The following DCAF1 variants were observed in gnomAD, a reference collection of about 807,000 sequenced individuals.
DCAF1 encodes the protein DDB1 and CUL4 associated factor 1.
Under a neutral mutation model 128.0 loss-of-function variants are expected in DCAF1, and 15 were observed. The observed-to-expected ratio is 0.12, with a 90% confidence interval of 0.08 to 0.18. The LOEUF is 0.18. Ranked by LOEUF, DCAF1 falls within the 10% of genes least tolerant of loss-of-function variation. The pLI, the probability that DCAF1 is intolerant of heterozygous loss-of-function variation, is 1.00. For missense variants in DCAF1, 988 were observed against 1,649.5 expected (o/e 0.60, Z 6.95); for synonymous variants, 610 against 603.0 (o/e 1.01, Z -0.17).
At chr3:51,396,199 G>A (rs1251070658), downstream of DCAF1, 3 of 352,832 alleles carry the variant, frequency 8.5e-6, no homozygotes, top group Non-Finnish European at 1.6e-5. Context: ...AGCTTTGTGA[G>A]ACAGAACCAA....
At position 51,440,449 on chromosome 3, in the gene DCAF1, T is replaced by A. The variant is rs186722760; in HGVS notation, c.1128+521A>T. 1.2e-3 allele frequency among the ~76,000 whole-genome samples: 186 copies of A among 152,036 alleles called. 1 individual carries two copies. Among genetic ancestry groups the A allele is most frequent in the East Asian group, 5.2e-3 (27 of 5,160 alleles). On this transcript the variant is annotated intron_variant, in intron 9 of 24. Transcript: ENST00000684031. ...CATAGCAAGACTATCTCTATAAAAATTTTTTTTAAATTAGCTAAGCATGGT... is the reference window on the plus strand; with the variant it reads ...CATAGCAAGACTATCTCTATAAAAAATTTTTTTAAATTAGCTAAGCATGGT...
the DCAF1 span, among the ~76,000 whole-genome samples, chr3:51,505,529 G>A: frequency 6.6e-6 from 1 of 152,158 alleles, no homozygotes. Context: ...TCTTACCGTG[G>A]GGAAGTTCTT....
intron 2 of DCAF1, among the ~76,000 whole-genome samples, chr3:51,488,050 A>C (rs1553656229): frequency 3.3e-5 from 5 of 151,654 alleles, no homozygotes. Context: ...CTTTTAGTAG[A>C]GACGGGGTTT....
At chr3:51,500,945 A>T (rs781838778), upstream of DCAF1, among the ~76,000 whole-genome samples, 2 of 151,440 alleles carry the variant, frequency 1.3e-5, no homozygotes, top group East Asian at 3.9e-4. Flanking sequence ...CCTCCCAAGT[A>T]GCCGGGGCTA....
intron 2 of DCAF1, among the ~76,000 whole-genome samples, chr3:51,495,773 T>C (rs1553660525): frequency 6.6e-6 from 1 of 152,002 alleles, no homozygotes; most frequent in Non-Finnish European, 1.5e-5. Flanking sequence ...TACTTCAATG[T>C]TCGTTTTTTT....
At chr3:51,473,578 G>A (rs527971395) in intron 3 of DCAF1, among the ~76,000 whole-genome samples, 3 of 148,426 alleles carry the variant, frequency 2.0e-5, no homozygotes, top group East Asian at 2.0e-4. Context: ...GCAGCAACAC[G>A]ACTCATGGCT....
intron 4 of DCAF1, among the ~76,000 whole-genome samples, chr3:51,470,639 A>G (rs1178867811): frequency 6.6e-6 from 1 of 152,196 alleles, no homozygotes; most frequent in Non-Finnish European, 1.5e-5. Context: ...TGAGTTAACT[A>G]AAGTACACCT....
At chr3:51,423,058 A>G (rs1553633028) in intron 13 of DCAF1, among the ~76,000 whole-genome samples, 1 of 152,078 alleles carries the variant, frequency 6.6e-6, no homozygotes. Context: ...ACAGAGTGAG[A>G]GCCTGTCTCG....
intron 13 of DCAF1, among the ~76,000 whole-genome samples, chr3:51,424,824 T>C (rs992322098): frequency 6.6e-6 from 1 of 152,096 alleles, no homozygotes; most frequent in Non-Finnish European, 1.5e-5. Context: ...CAGATATATA[T>C]AGTATAAAAA....
At chr3:51,406,342 CAAAAAAAAAAA>C (rs782324969) in intron 23 of DCAF1, among the ~76,000 whole-genome samples, 1 of 48,196 alleles carries the variant, frequency 2.1e-5, no homozygotes, top group African/African-American at 8.6e-5. Context: ...GACTCTGTCT[CAAAAAAAAAAA>C]AAAAAAAAAA....
intron 6 of DCAF1, among the ~76,000 whole-genome samples, chr3:51,448,697 T>C (rs1553640806): frequency 1.3e-5 from 2 of 152,204 alleles, no homozygotes; most frequent in Non-Finnish European, 2.9e-5. Context: ...CGGTATAGTA[T>C]CTATTTTCAG....
chr3:51,478,587 T>C (rs1401108670), intron 3 of DCAF1, among the ~76,000 whole-genome samples: 3 of 152,190 alleles, frequency 2.0e-5, no homozygotes, highest in African/African-American at 7.2e-5. Context: ...AATATTTAAA[T>C]TCTCTAATTC....
rs1261828728 is a variant in DCAF1, at chr3:51,441,467, T to C, written c.944A>G (p.Asn315Ser). The part of the protein sequence containing the change: ...SEMSPWVIGT[N>S]YTLYPMTPAI... ...AGGAGTCATAGGATAAAGGGTATAA[T>C]TGGTGCCAATCACCCAGGGAGACAT... is the stretch of plus-strand genomic sequence containing the variant. Residue 315 changes from asparagine to serine, a missense_variant, in exon 8 of 25, where the codon AAT (asparagine) becomes AGT (serine). Around this residue, in one of 11 missense-constraint regions of DCAF1, gnomAD observed 19 missense variants for 61.4 expected, o/e 0.31. Coordinates refer to ENST00000684031, the MANE Select transcript of DCAF1 (RefSeq NM_001387579.1). 6.2e-6 allele frequency: 10 copies of C among 1,613,856 alleles called. No individual in the cohort carries two copies. In the African/African-American group the frequency reaches 6.7e-5, roughly 11 times the overall value.
chr3:51,475,035 G>A (rs570698501), intron 3 of DCAF1, among the ~76,000 whole-genome samples: 33 of 151,708 alleles, frequency 2.2e-4, no homozygotes, highest in African/African-American at 6.8e-4. Context: ...CACCTGCCTC[G>A]GCTTCCCAAA....
At chr3:51,443,977 A>T in intron 6 of DCAF1, 74 bp from the exon 7 acceptor site, 1 of 1,424,210 alleles carries the variant, frequency 7.0e-7, no homozygotes, top group Non-Finnish European at 9.4e-7. Context: ...CAAAGATTTC[A>T]GTCTCATGAA....
intron 2 of DCAF1, among the ~76,000 whole-genome samples, chr3:51,495,913 G>C (rs1001818145): frequency 6.6e-6 from 1 of 151,890 alleles, no homozygotes; most frequent in Non-Finnish European, 1.5e-5. Context: ...AGAACTGCTT[G>C]AGCCTAGGAG....
rs1455894437 is a variant in DCAF1 at position 51,398,290 on chromosome 3, T to A, written c.*479A>T. On this transcript the variant is annotated 3_prime_UTR_variant, in exon 25 of 25. Coordinates refer to ENST00000684031, the MANE Select transcript of DCAF1 (RefSeq NM_001387579.1). Reference sequence around the variant, plus strand: ...GTATGTAAAAATGCCTCTATATTGTTCTTTAGACATCATTTTCTTCCAAAG... The same window carrying A: ...GTATGTAAAAATGCCTCTATATTGTACTTTAGACATCATTTTCTTCCAAAG... 1 of 152,716 alleles carries A rather than the reference T, an allele frequency of 6.5e-6. No homozygotes were observed. The allele number at this position is 152,716 out of a possible 1,614,324, so 9.5% of individuals were successfully genotyped here.
intron 2 of DCAF1, among the ~76,000 whole-genome samples, chr3:51,487,560 T>C (rs1259229216): frequency 2.0e-5 from 3 of 152,204 alleles, no homozygotes; most frequent in African/African-American, 7.2e-5. Flanking sequence ...CTATGATAGA[T>C]AGTTTGGGGA....
At chr3:51,441,952 A>T in intron 7 of DCAF1, 55 bp from the exon 8 acceptor site, 1 of 1,516,790 alleles carries the variant, frequency 6.6e-7, no homozygotes, top group Non-Finnish European at 8.7e-7. Flanking sequence ...GGATTAAGTA[A>T]TCCTTAATAA....
Sources: allele counts gnomAD v4.1 joint callset (sites outside exome capture counted in the v4.1 genomes callset), GRCh38; gene constraint gnomAD v4.1.1; regional missense constraint gnomAD v4.1.1; transcripts MANE v1.5; gene names NCBI Gene and HGNC (gene_info 2026-07-23, HGNC 2026-07-21).